NRXN1: variants seen among roughly 807,000 people sequenced by gnomAD.
NRXN1 encodes the protein neurexin-1.
Under a neutral mutation model 150.9 loss-of-function variants are expected in NRXN1, and 39 were observed. That is an observed-to-expected ratio of 0.26 (90% CI 0.20 to 0.34). NRXN1 has a LOEUF of 0.34. Among genes scored for constraint, NRXN1 ranks in the 10% least tolerant of loss-of-function variants. The pLI is 1.00. For synonymous variants in NRXN1, 924 were observed against 757.0 expected, an observed-to-expected ratio of 1.22 and a Z score of -3.62; for missense variants, 1,815 against 1,949.9, an observed-to-expected ratio of 0.93 and a Z score of 1.30.
At chr2:49,960,091 T>A (rs566521220) in intron 21 of NRXN1, among the ~76,000 whole-genome samples, 1 of 152,328 alleles carries the variant, frequency 6.6e-6, no homozygotes, top group Admixed American at 6.5e-5. Flanking sequence ...CATAATAAGC[T>A]AACTGCAGGT....
intron 5 of NRXN1, among the ~76,000 whole-genome samples, chr2:50,662,984 C>G (rs1049637720): frequency 6.6e-6 from 1 of 152,028 alleles, no homozygotes; most frequent in African/African-American, 2.4e-5. Flanking sequence ...TAATTTTTAA[C>G]AAACACACAG....
chr2:50,875,082 G>T (rs2106118755), intron 5 of NRXN1, among the ~76,000 whole-genome samples: 1 of 151,694 alleles, frequency 6.6e-6, no homozygotes, highest in Non-Finnish European at 1.5e-5. Context: ...GTTCTACTTT[G>T]TTTTAAAGAG....
At chr2:49,942,857 G>A (rs1186045863) in intron 22 of NRXN1, among the ~76,000 whole-genome samples, 1 of 152,100 alleles carries the variant, frequency 6.6e-6, no homozygotes, top group Admixed American at 6.6e-5. Flanking sequence ...TGATCTGCCT[G>A]ACTCAGGTTC....
At chr2:50,813,967 A>G (rs1313714666) in intron 5 of NRXN1, among the ~76,000 whole-genome samples, 1 of 152,214 alleles carries the variant, frequency 6.6e-6, no homozygotes, top group Non-Finnish European at 1.5e-5. Context: ...AGAGGAGATC[A>G]TAGCCAAGTT....
At chr2:50,737,702 T>A (rs1209624446) in intron 5 of NRXN1, among the ~76,000 whole-genome samples, 1 of 152,174 alleles carries the variant, frequency 6.6e-6, no homozygotes, top group Non-Finnish European at 1.5e-5. Context: ...ACATTTCATG[T>A]AAATATACCA....
intron 18 of NRXN1, among the ~76,000 whole-genome samples, chr2:50,153,098 C>A (rs1043417261): frequency 1.3e-5 from 2 of 151,636 alleles, no homozygotes; most frequent in African/African-American, 4.8e-5. Context: ...AGTTCTTCCT[C>A]CTGTCTGCTC....
intron 17 of NRXN1, among the ~76,000 whole-genome samples, chr2:50,408,563 G>C (rs2082913316): frequency 6.6e-6 from 1 of 152,170 alleles, no homozygotes; most frequent in Non-Finnish European, 1.5e-5. Flanking sequence ...AGAATGACAT[G>C]ATGTAGCATG....
intron 19 of NRXN1, among the ~76,000 whole-genome samples, chr2:50,064,293 T>A (rs1302952528): frequency 6.6e-6 from 1 of 151,988 alleles, no homozygotes; most frequent in East Asian, 1.9e-4. Flanking sequence ...AATTTTGAAT[T>A]TGCCATTGTA....
At chr2:50,634,726 G>C (rs74649397) in intron 5 of NRXN1, among the ~76,000 whole-genome samples, 1 of 151,998 alleles carries the variant, frequency 6.6e-6, no homozygotes, top group African/African-American at 2.4e-5. Context: ...TATGCCTCTA[G>C]GTGTCTTACC....
At chr2:50,877,190 C>T (rs1166937536) in intron 5 of NRXN1, among the ~76,000 whole-genome samples, 3 of 151,828 alleles carry the variant, frequency 2.0e-5, no homozygotes, top group Admixed American at 1.3e-4. Flanking sequence ...CATAGACACA[C>T]ACATATACAC....
chr2:50,009,169 C>A (rs1372737431), intron 21 of NRXN1, among the ~76,000 whole-genome samples: 1 of 152,094 alleles, frequency 6.6e-6, no homozygotes, highest in East Asian at 1.9e-4. Flanking sequence ...TATATTTGGA[C>A]TAGACTTTAC....
At chr2:50,123,660 T>C (rs185600886) in intron 18 of NRXN1, among the ~76,000 whole-genome samples, 2 of 152,294 alleles carry the variant, frequency 1.3e-5, no homozygotes, top group East Asian at 3.9e-4. Flanking sequence ...TGAAATACTA[T>C]GAAGTGATTA....
intron 21 of NRXN1, among the ~76,000 whole-genome samples, chr2:50,011,969 C>T (rs1432582262): frequency 2.0e-5 from 3 of 152,014 alleles, no homozygotes; most frequent in African/African-American, 7.2e-5. Context: ...TTCCATTATA[C>T]AACACTGAAT....
At chr2:50,344,570 C>T (rs888837029) in intron 17 of NRXN1, among the ~76,000 whole-genome samples, 18 of 152,308 alleles carry the variant, frequency 1.2e-4, no homozygotes, top group Admixed American at 1.2e-3. Context: ...TCTCTACTAT[C>T]CTATTCTTTC....
intron 5 of NRXN1, among the ~76,000 whole-genome samples, chr2:50,652,802 C>T (rs1444753731): frequency 1.3e-5 from 2 of 152,008 alleles, no homozygotes; most frequent in African/African-American, 4.8e-5. Flanking sequence ...GCATTACTAG[C>T]AGCAATGTAT....
chr2:49,947,488 TCTC>T (rs1032791224), intron 21 of NRXN1, among the ~76,000 whole-genome samples: 20 of 150,788 alleles, frequency 1.3e-4, no homozygotes, highest in Non-Finnish European at 2.5e-4. Context: ...CTCTTCTCCT[TCTC>T]CTTTTTTCTT....
chr2:50,037,580 G>A (rs1444122305), intron 21 of NRXN1, among the ~76,000 whole-genome samples: 1 of 152,150 alleles, frequency 6.6e-6, no homozygotes, highest in Non-Finnish European at 1.5e-5. Context: ...TACGATATTA[G>A]GAAGACTGAA....
intron 8 of NRXN1, among the ~76,000 whole-genome samples, chr2:50,562,530 A>G (rs1349229802): frequency 6.6e-6 from 1 of 152,080 alleles, no homozygotes; most frequent in Non-Finnish European, 1.5e-5. Flanking sequence ...TAACCAAACA[A>G]TTTCATGTAA....
intron 5 of NRXN1, among the ~76,000 whole-genome samples, chr2:50,771,108 G>A (rs1306996746): frequency 6.6e-6 from 1 of 152,000 alleles, no homozygotes; most frequent in Non-Finnish European, 1.5e-5. Context: ...GAGACAGACA[G>A]GGAAATAAAA....
Sources: gnomAD v4.1 joint callset for allele counts (sites outside exome capture counted in the v4.1 genomes callset) on GRCh38, gnomAD v4.1.1 for gene constraint, MANE v1.5 for transcripts, NCBI Gene and HGNC (gene_info 2026-07-23, HGNC 2026-07-21) for gene names.